The following IP6K1 variants were observed in gnomAD, a reference collection of about 807,000 sequenced individuals.
IP6K1 encodes the protein ATP:1D-myo-inositol-hexakisphosphate phosphotransferase.
Under a neutral mutation model 38.3 loss-of-function variants are expected in IP6K1, and 13 were observed. The observed-to-expected ratio is 0.34, with a 90% CI of 0.22 to 0.54. The LOEUF (loss-of-function observed/expected upper bound fraction) is 0.54, where lower values mean the gene tolerates loss of function less well. Ranked by LOEUF, IP6K1 falls within the 20% of genes least tolerant of loss-of-function variation. IP6K1 has a pLI of 0.92. For missense variants in IP6K1, 397 were observed against 599.8 expected, an observed-to-expected ratio of 0.66 and a Z score of 3.53; for synonymous variants, 212 against 229.9, an observed-to-expected ratio of 0.92 and a Z score of 0.70.
At chr3:49,766,618 C>T (rs1009659483) in intron 1 of IP6K1, among the ~76,000 whole-genome samples, 5 of 148,660 alleles carry the variant, frequency 3.4e-5, no homozygotes, top group Non-Finnish European at 5.9e-5. Flanking sequence ...GAGCCAAGAT[C>T]GTGCCATTGC....
At chr3:49,750,713 A>AC (rs1206888996) in intron 1 of IP6K1, among the ~76,000 whole-genome samples, 1 of 151,988 alleles carries the variant, frequency 6.6e-6, no homozygotes, top group African/African-American at 2.4e-5. Context: ...GAAAAAAAAA[A>AC]AAATTGAAAT....
At chr3:49,780,975 C>A (rs1177065550) in intron 1 of IP6K1, among the ~76,000 whole-genome samples, 2 of 152,064 alleles carry the variant, frequency 1.3e-5, no homozygotes, top group Non-Finnish European at 2.9e-5. Flanking sequence ...TCCTCATCTA[C>A]TACGTACAGG....
At chr3:49,731,564 G>A (rs2080561706) in intron 4 of IP6K1, among the ~76,000 whole-genome samples, 1 of 152,116 alleles carries the variant, frequency 6.6e-6, no homozygotes, top group South Asian at 2.1e-4. Flanking sequence ...ATCCCCCTGT[G>A]CTTCCACTTC....
intron 1 of IP6K1, among the ~76,000 whole-genome samples, chr3:49,756,853 G>C (rs1272476208): frequency 6.9e-6 from 1 of 145,034 alleles, no homozygotes; most frequent in East Asian, 2.0e-4. Context: ...AAAAAAGAAA[G>C]AAAGGAGAAA....
chr3:49,767,695 CA>C (rs1262175394), intron 1 of IP6K1, among the ~76,000 whole-genome samples: 2 of 151,932 alleles, frequency 1.3e-5, no homozygotes, highest in Non-Finnish European at 2.9e-5. Context: ...CACTTAAGCC[CA>C]AGAGTTTGAG....
At chr3:49,763,400 C>T (rs1035310498) in intron 1 of IP6K1, among the ~76,000 whole-genome samples, 3 of 150,760 alleles carry the variant, frequency 2.0e-5, no homozygotes, top group African/African-American at 4.9e-5. Flanking sequence ...CCACCGCGCC[C>T]GGCCAAGGTC....
rs1421445555 is a variant in IP6K1 at position 49,763,915 on chromosome 3, G to A, written c.-128-15747C>T. On this transcript the variant is annotated intron_variant, in intron 1 of 5. Transcript: ENST00000321599. The stretch of plus-strand genomic sequence containing the variant: ...CGGGCACCTGTAATCCCAGCTACTC[G>A]GGAGGCTGAGGCAGGAGAATTGCTG... 2.6e-5 allele frequency among the ~76,000 whole-genome samples: 4 copies of A among 152,122 alleles called. No homozygotes were observed. The East Asian group carries it at 5.8e-4, about 22-fold the overall frequency.
chr3:49,751,215 G>A lies in IP6K1; in HGVS notation c.-128-3047C>T, dbSNP rs567272378. 7.9e-5 allele frequency among the ~76,000 whole-genome samples: 12 copies of A among 152,154 alleles called. No homozygotes were observed. In the East Asian group the frequency reaches 1.7e-3, roughly 22 times the overall value. On this transcript the variant is annotated intron_variant, in intron 1 of 5. Transcript: ENST00000321599. ...ACTGTCGCTAGGCTGGAGTGCAGTGGCGCGATCTCGGCTCACTGCAACCTC... is the reference window on the plus strand; with the variant it reads ...ACTGTCGCTAGGCTGGAGTGCAGTGACGCGATCTCGGCTCACTGCAACCTC...
At chr3:49,735,904 A>G (rs995091080) in intron 3 of IP6K1, among the ~76,000 whole-genome samples, 7 of 152,174 alleles carry the variant, frequency 4.6e-5, no homozygotes, top group African/African-American at 1.7e-4. Flanking sequence ...TCAAGTCACA[A>G]AAGCATCTTA....
At chr3:49,771,256 G>C (rs1433138377) in intron 1 of IP6K1, among the ~76,000 whole-genome samples, 1 of 147,528 alleles carries the variant, frequency 6.8e-6, no homozygotes, top group Non-Finnish European at 1.5e-5. Context: ...CCAGCTACTT[G>C]AGAGGATGAG....
rs145265650 is a variant in IP6K1, at chr3:49,744,295, G to A, written c.223+3523C>T. 6.0e-3 allele frequency among the ~76,000 whole-genome samples: 906 copies of A among 150,234 alleles called. 13 individuals carry two copies. The highest frequency in any genetic ancestry group is 0.021 in the African/African-American group (871 of 40,978). On this transcript the variant is annotated intron_variant, in intron 2 of 5. Transcript: ENST00000321599. ...CGGGAGCCTGTAGTCCCAGCTACTC[G>A]GGAGGCTGAGGCAGAAGAATGGCGT...
rs1388781443 is a variant in IP6K1 at position 49,727,628 on chromosome 3, G to A, written c.820C>T (p.Leu274Phe). Residue 274 changes from leucine (L) to phenylalanine (F), a missense_variant, in exon 6 of 6, where the codon CTC becomes TTC. Leu to Phe is a conservative substitution (Grantham distance 22). Coordinates refer to ENST00000321599, the MANE Select transcript of IP6K1 (RefSeq NM_153273.4). The surrounding 1 kb of genome is among the most constrained non-coding windows in gnomAD (Gnocchi z 5.9). Reference protein sequence around the residue: ...QVYQLDTGHYLCRNKYYGRGL... With the variant: ...QVYQLDTGHYFCRNKYYGRGL... ...CGGCCATAGTACTTGTTCCTGCAGA[G>A]GTAATGCCCTGTGTCCAGCTGGTAC... 6.2e-7 allele frequency: 1 copy of A among 1,614,094 alleles called. No individual in the cohort carries two copies. The highest frequency in any genetic ancestry group is 1.7e-5 in the Admixed American group (1 of 60,018).
At position 49,738,226 on chromosome 3, in the gene IP6K1, A is replaced by G. The variant is rs1377461150; in HGVS notation, c.420T>C (p.Leu140=). ...DHKEEKASLS[L]ETSESSQEAK... ...GTACCTCTTACCTCTCAGAGGTCTC[A>G]AGGGACAGGCTGGCTTTCTCCTCCT... The change falls in exon 3 of 6, where the codon CTT becomes CTC. Residue 140 remains leucine, a synonymous_variant. Transcript: ENST00000321599. 6.2e-7 allele frequency: 1 copy of G among 1,614,056 alleles called. No individual in the cohort carries two copies. The highest frequency in any genetic ancestry group is 1.7e-5 in the Admixed American group (1 of 60,022).
chr3:49,777,021 G>T (rs2081022451), intron 1 of IP6K1, among the ~76,000 whole-genome samples: 1 of 151,876 alleles, frequency 6.6e-6, no homozygotes, highest in East Asian at 1.9e-4. Context: ...GATCACTTGA[G>T]GTCAGGAGTT....
At chr3:49,785,953 T>G (rs2081109102) in intron 1 of IP6K1, 1 of 152,220 alleles carries the variant, frequency 6.6e-6, no homozygotes, top group Non-Finnish European at 1.5e-5. Context: ...GCATCCAGCG[T>G]CCTGAAAATC....
chr3:49,776,343 C>A (rs1173433137), intron 1 of IP6K1, among the ~76,000 whole-genome samples: 1 of 151,924 alleles, frequency 6.6e-6, no homozygotes, highest in Non-Finnish European at 1.5e-5. Context: ...ATGGTGAAAC[C>A]TCATCTCTAC....
intron 4 of IP6K1, 131 bp downstream of exon 4, chr3:49,732,660 G>A (rs2080573311): frequency 3.1e-6 from 2 of 637,494 alleles, no homozygotes; most frequent in Non-Finnish European, 2.6e-6. Flanking sequence ...GAAGGAAGAG[G>A]AGTCCATGAA....
intron 1 of IP6K1, among the ~76,000 whole-genome samples, chr3:49,758,956 AAAT>A (rs1278232778): frequency 1.8e-5 from 2 of 112,056 alleles, no homozygotes; most frequent in Non-Finnish European, 1.9e-5. Context: ...CAAAAAAAAA[AAAT>A]ACCCAACAGT....
At chr3:49,737,071 C>CG (rs956971245) in intron 3 of IP6K1, among the ~76,000 whole-genome samples, 8 of 113,034 alleles carry the variant, frequency 7.1e-5, no homozygotes, top group Non-Finnish European at 1.3e-4. Flanking sequence ...CAAGCCTGGC[C>CG]TTTTTTTTTT....
Sources: gnomAD v4.1 joint callset for allele counts (sites outside exome capture counted in the v4.1 genomes callset) on GRCh38, gnomAD v4.1.1 for gene constraint, Gnocchi (gnomAD v3.1) non-coding constraint, MANE v1.5 for transcripts, NCBI Gene and HGNC (gene_info 2026-07-23, HGNC 2026-07-21) for gene names.